SAMD12: variants seen among roughly 807,000 people sequenced by gnomAD.
The protein encoded by SAMD12 is sterile alpha motif domain-containing protein 12.
A neutral mutation model predicts 15.0 loss-of-function variants in SAMD12; 9 were observed. The ratio of observed to expected loss-of-function variants is 0.60; its 90% CI spans 0.36 to 1.05. SAMD12 has a LOEUF of 1.05. Ranked by LOEUF, SAMD12 falls within the 50% of genes least tolerant of loss-of-function variation. SAMD12 has a pLI of 0.01. For missense variants in SAMD12, 230 were observed against 234.2 expected (o/e 0.98, Z 0.12); for synonymous variants, 86 against 90.1 (o/e 0.96, Z 0.25).
At chr8:118,208,087 G>A (rs990261151) in intron 4 of SAMD12, among the ~76,000 whole-genome samples, 3 of 151,804 alleles carry the variant, frequency 2.0e-5, no homozygotes, top group Non-Finnish European at 2.9e-5. Flanking sequence ...GAGAAACCCC[G>A]TCTCTACTAA....
chr8:118,420,987 C>G (rs1296618425), intron 3 of SAMD12, among the ~76,000 whole-genome samples: 1 of 152,124 alleles, frequency 6.6e-6, no homozygotes, highest in East Asian at 1.9e-4. Flanking sequence ...GTGACAAAGA[C>G]CCTACGACCT....
At chr8:118,292,558 C>T (rs943357196) in intron 4 of SAMD12, among the ~76,000 whole-genome samples, 1 of 151,982 alleles carries the variant, frequency 6.6e-6, no homozygotes, top group East Asian at 1.9e-4. Flanking sequence ...TGGGTATATA[C>T]CCAAATGACT....
chr8:118,553,465 A>G (rs1826414647), intron 2 of SAMD12, among the ~76,000 whole-genome samples: 1 of 152,218 alleles, frequency 6.6e-6, no homozygotes, highest in Admixed American at 6.5e-5. Flanking sequence ...GTGCTGGGAA[A>G]ACTTGCTAGC....
intron 4 of SAMD12, among the ~76,000 whole-genome samples, chr8:118,321,353 C>T (rs1260606864): frequency 1.4e-5 from 2 of 147,772 alleles, no homozygotes; most frequent in African/African-American, 5.0e-5. Flanking sequence ...GTAGCTCACG[C>T]CTGTAATCTC....
chr8:118,385,195 A>T (rs1236542425), intron 3 of SAMD12, among the ~76,000 whole-genome samples: 1 of 152,156 alleles, frequency 6.6e-6, no homozygotes, highest in Non-Finnish European at 1.5e-5. Context: ...GTCAAACATC[A>T]TTCTGGGTGT....
At chr8:118,150,240 T>A in the SAMD12 span, among the ~76,000 whole-genome samples, 1 of 152,236 alleles carries the variant, frequency 6.6e-6, no homozygotes, top group Non-Finnish European at 1.5e-5. Context: ...CTTTAACTCA[T>A]CACATACCTT....
chr8:118,560,111 T>G (rs1826662681), intron 2 of SAMD12, among the ~76,000 whole-genome samples: 2 of 152,272 alleles, frequency 1.3e-5, no homozygotes, highest in South Asian at 4.1e-4. Context: ...GCCTTGCCAA[T>G]GGAGTCACAT....
At chr8:118,155,578 G>A in the SAMD12 span, among the ~76,000 whole-genome samples, 2 of 152,222 alleles carry the variant, frequency 1.3e-5, no homozygotes, top group Admixed American at 6.5e-5. Flanking sequence ...AACCTGGACT[G>A]TATTGGAAAT....
At chr8:118,146,969 A>G in the SAMD12 span, among the ~76,000 whole-genome samples, 34 of 152,166 alleles carry the variant, frequency 2.2e-4, no homozygotes, top group Non-Finnish European at 4.4e-4. Flanking sequence ...TCCATGCTAA[A>G]TGGTTCACAC....
chr8:118,394,406 G>T (rs567012644), intron 3 of SAMD12, among the ~76,000 whole-genome samples: 2 of 152,218 alleles, frequency 1.3e-5, no homozygotes, highest in Admixed American at 6.5e-5. Context: ...CTAGAGTAAA[G>T]ATGTCTATTT....
At chr8:118,344,107 A>G (rs980302666) in intron 4 of SAMD12, among the ~76,000 whole-genome samples, 3 of 152,242 alleles carry the variant, frequency 2.0e-5, no homozygotes, top group African/African-American at 7.2e-5. Flanking sequence ...CCAAACATGG[A>G]TGTGGAAATC....
intron 4 of SAMD12, among the ~76,000 whole-genome samples, chr8:118,291,720 G>A (rs1055606691): frequency 1.3e-5 from 2 of 151,406 alleles, no homozygotes; most frequent in Admixed American, 6.6e-5. Flanking sequence ...AAAAGCTAGA[G>A]GAACATGAAA....
chr8:118,552,157 A>G (rs1264960429), intron 2 of SAMD12, among the ~76,000 whole-genome samples: 1 of 152,130 alleles, frequency 6.6e-6, no homozygotes, highest in Non-Finnish European at 1.5e-5. Context: ...AAAAGAGGGA[A>G]TCCTCCCTAA....
the SAMD12 span, among the ~76,000 whole-genome samples, chr8:118,149,574 A>G: frequency 1.3e-5 from 2 of 152,012 alleles, no homozygotes; most frequent in African/African-American, 4.8e-5. Flanking sequence ...AGAAATTTTT[A>G]ATTTTGATGA....
chr8:118,208,149 C>T (rs879506367), intron 4 of SAMD12, among the ~76,000 whole-genome samples: 3 of 151,974 alleles, frequency 2.0e-5, no homozygotes, highest in African/African-American at 4.8e-5. Flanking sequence ...CCCAGCTACT[C>T]GGGAGGCTGA....
intron 4 of SAMD12, among the ~76,000 whole-genome samples, chr8:118,327,303 T>C (rs1490338687): frequency 6.6e-6 from 1 of 152,218 alleles, no homozygotes; most frequent in African/African-American, 2.4e-5. Flanking sequence ...TCCATCTCTG[T>C]AGCCCTTCAT....
chr8:118,571,627 G>A (rs1198382292), intron 2 of SAMD12, among the ~76,000 whole-genome samples: 2 of 152,192 alleles, frequency 1.3e-5, no homozygotes, highest in Non-Finnish European at 2.9e-5. Flanking sequence ...AGCCATAGCT[G>A]AAAGGAGCCA....
intron 2 of SAMD12, among the ~76,000 whole-genome samples, chr8:118,468,442 C>T (rs1339074403): frequency 6.6e-6 from 1 of 152,106 alleles, no homozygotes; most frequent in East Asian, 1.9e-4. Context: ...CTCAGAAATG[C>T]CTCTAGTAAA....
intron 2 of SAMD12, among the ~76,000 whole-genome samples, chr8:118,496,317 A>AGATG (rs1824607675): frequency 6.6e-6 from 1 of 152,228 alleles, no homozygotes; most frequent in Non-Finnish European, 1.5e-5. Context: ...CTGACTTCAA[A>AGATG]CTATACTACA....
Sources: gnomAD v4.1 joint callset for allele counts (sites outside exome capture counted in the v4.1 genomes callset) on GRCh38, gnomAD v4.1.1 for gene constraint, MANE v1.5 for transcripts, NCBI Gene and HGNC (gene_info 2026-07-23, HGNC 2026-07-21) for gene names.